LRRC7: variants seen among roughly 807,000 people sequenced by gnomAD.
LRRC7 encodes leucine-rich repeat-containing protein 7.
LRRC7 carries 23 observed loss-of-function variants against 175.7 expected under a neutral mutation model. The ratio of observed to expected loss-of-function variants is 0.13; its 90% CI spans 0.09 to 0.19. LRRC7 has a LOEUF of 0.19. Ranked by LOEUF, LRRC7 falls within the 10% of genes least tolerant of loss-of-function variation. The pLI, the probability that LRRC7 is intolerant of heterozygous loss-of-function variation, is 1.00. For missense variants in LRRC7, 1,354 were observed against 1,904.7 expected, an observed-to-expected ratio of 0.71 and a Z score of 5.38; for synonymous variants, 685 against 680.9, an observed-to-expected ratio of 1.01 and a Z score of -0.09.
At chr1:70,072,626 A>G (rs548016225) in intron 23 of LRRC7, among the ~76,000 whole-genome samples, 4 of 151,276 alleles carry the variant, frequency 2.6e-5, no homozygotes, top group African/African-American at 4.8e-5. Context: ...TGCTAACAGA[A>G]TGACTTTACA....
intron 8 of LRRC7, among the ~76,000 whole-genome samples, chr1:69,937,512 A>G (rs930515968): frequency 4.2e-4 from 64 of 152,070 alleles, no homozygotes; most frequent in African/African-American, 1.5e-3. Flanking sequence ...TGATCTAATC[A>G]TGATCATGAT....
At chr1:69,929,660 T>A (rs1046993919) in intron 7 of LRRC7, among the ~76,000 whole-genome samples, 5 of 152,234 alleles carry the variant, frequency 3.3e-5, no homozygotes, top group African/African-American at 1.2e-4. Flanking sequence ...TTTGACTTAT[T>A]ACATTAGCCT....
At chr1:69,764,246 TAGAC>T (rs1287232872) in intron 3 of LRRC7, among the ~76,000 whole-genome samples, 8 of 151,860 alleles carry the variant, frequency 5.3e-5, no homozygotes, top group Admixed American at 4.0e-4. Context: ...CTTAAAATTA[TAGAC>T]AGAGTAATAG....
intron 8 of LRRC7, among the ~76,000 whole-genome samples, chr1:69,939,031 C>CTA (rs1245921796): frequency 3.4e-5 from 2 of 58,256 alleles, no homozygotes; most frequent in African/African-American, 5.2e-5. Context: ...ATATATATAT[C>CTA]TATATATATC....
chr1:69,801,816 C>G (rs985624661), intron 4 of LRRC7, among the ~76,000 whole-genome samples: 6 of 148,174 alleles, frequency 4.0e-5, no homozygotes, highest in African/African-American at 1.2e-4. Context: ...TAGTCTGTGA[C>G]CTTTCTATTT....
At chr1:69,960,595 GT>G (rs796693354) in intron 8 of LRRC7, among the ~76,000 whole-genome samples, 172 of 140,984 alleles carry the variant, frequency 1.2e-3, no homozygotes, top group Middle Eastern at 3.7e-3. Context: ...AATCTTTCTA[GT>G]TTTTTTTTTT....
intron 2 of LRRC7, among the ~76,000 whole-genome samples, chr1:69,729,561 T>A (rs1557657435): frequency 6.6e-6 from 1 of 152,216 alleles, no homozygotes; most frequent in Non-Finnish European, 1.5e-5. Flanking sequence ...TCTTTGACTC[T>A]ATGTCTCACA....
At chr1:69,925,457 G>T (rs1647036639) in intron 7 of LRRC7, among the ~76,000 whole-genome samples, 1 of 152,106 alleles carries the variant, frequency 6.6e-6, no homozygotes, top group African/African-American at 2.4e-5. Context: ...GTAAGCTATT[G>T]ATTATTGCCA....
intron 8 of LRRC7, among the ~76,000 whole-genome samples, chr1:69,958,914 G>A (rs1163497680): frequency 3.9e-5 from 6 of 152,010 alleles, no homozygotes; most frequent in African/African-American, 1.4e-4. Context: ...CTATGCATGT[G>A]AGGAGGCTGA....
intron 26 of LRRC7, among the ~76,000 whole-genome samples, chr1:70,110,159 G>A (rs1158922688): frequency 6.6e-6 from 1 of 152,182 alleles, no homozygotes; most frequent in Non-Finnish European, 1.5e-5. Context: ...GCAGGAGGAT[G>A]GCTTGAAGCC....
At chr1:69,617,557 A>AAAAAAAAAAAAAAAAAAAC in intron 1 of LRRC7, among the ~76,000 whole-genome samples, 1 of 149,278 alleles carries the variant, frequency 6.7e-6, no homozygotes, top group Non-Finnish European at 1.5e-5. Context: ...TAAAAAAAAA[A>AAAAAAAAAAAAAAAAAAAC]AAAAAAAAAA....
intron 1 of LRRC7, among the ~76,000 whole-genome samples, chr1:69,674,006 A>G (rs914453463): frequency 5.3e-5 from 8 of 152,070 alleles, no homozygotes. Context: ...TATATTTTAC[A>G]TCTATAACAC....
intron 3 of LRRC7, among the ~76,000 whole-genome samples, chr1:69,785,659 A>G (rs973211150): frequency 3.3e-5 from 5 of 151,966 alleles, no homozygotes; most frequent in Non-Finnish European, 5.9e-5. Flanking sequence ...CTTTATTTCT[A>G]TTTTTTAATT....
chr1:69,805,948 A>G (rs1378843611), intron 4 of LRRC7, among the ~76,000 whole-genome samples: 1 of 151,866 alleles, frequency 6.6e-6, no homozygotes, highest in Non-Finnish European at 1.5e-5. Context: ...TAAACTGATC[A>G]ATTTTCCTAG....
At chr1:69,588,848 T>C (rs1013998376) in intron 1 of LRRC7, among the ~76,000 whole-genome samples, 2 of 152,156 alleles carry the variant, frequency 1.3e-5, no homozygotes, top group African/African-American at 4.8e-5. Context: ...GATATCAAGG[T>C]ATTTCACAAG....
chr1:69,781,677 CTCAA>C (rs1673513893), intron 3 of LRRC7, among the ~76,000 whole-genome samples: 1 of 90,312 alleles, frequency 1.1e-5, no homozygotes, highest in Admixed American at 1.2e-4. Context: ...GCAAGACTGT[CTCAA>C]AAAAAAGAAG....
rs1353783386 is a variant in LRRC7, at chr1:69,825,735, T to C, written c.422-13T>C. The C allele has an allele frequency of 1.3e-6, 2 of 1,558,116 alleles. No homozygotes were observed. The highest frequency in any genetic ancestry group is 1.8e-5 in the Admixed American group (1 of 55,770). ...GGAACATTTTCATGTACTTTGTTTT[T>C]TTCACATTTTAGGTGTACAAGAATT... On this transcript the variant is annotated splice_polypyrimidine_tract_variant and intron_variant, in intron 4 of 26. Transcript: ENST00000651989.
At chr1:69,797,942 G>A (rs1170599011) in intron 4 of LRRC7, among the ~76,000 whole-genome samples, 2 of 152,000 alleles carry the variant, frequency 1.3e-5, no homozygotes, top group Admixed American at 6.6e-5. Context: ...TGTTTTTTGA[G>A]ACGGAGTCTT....
intron 3 of LRRC7, among the ~76,000 whole-genome samples, chr1:69,764,778 TAGACAGACAGAC>T (rs879556337): frequency 1.2e-4 from 18 of 144,400 alleles, no homozygotes; most frequent in African/African-American, 4.3e-4. Flanking sequence ...GATAGATAGA[TAGACAGACAGAC>T]AGATAGATAA....
Sources: gnomAD v4.1 joint callset for allele counts (sites outside exome capture counted in the v4.1 genomes callset) on GRCh38, gnomAD v4.1.1 for gene constraint, MANE v1.5 for transcripts, NCBI Gene and HGNC (gene_info 2026-07-23, HGNC 2026-07-21) for gene names.